The following RWDD2B variants were observed in gnomAD, a reference collection of about 807,000 sequenced individuals.
RWDD2B encodes the protein RWD domain containing 2B.
In RWDD2B, 36 loss-of-function variants were observed where a neutral mutation model predicts 33.6. That is an observed-to-expected ratio of 1.07 (90% CI 0.82 to 1.42). The LOEUF (loss-of-function observed/expected upper bound fraction) is 1.42. Ranked by LOEUF, RWDD2B falls within the 40% of genes most tolerant of loss-of-function variation. The probability of loss-of-function intolerance (pLI) is 0.00; values close to 1 mark genes in which losing one functional copy is unlikely to be tolerated. For missense variants in RWDD2B, 364 were observed against 377.5 expected (o/e 0.96, Z 0.30); for synonymous variants, 126 against 133.1 (o/e 0.95, Z 0.37).
In RWDD2B at chr21:29,007,954, T is replaced by C. The variant is rs748317989; in HGVS notation, c.532A>G (p.Ser178Gly). 1 of 1,614,244 alleles carries C rather than the reference T, an allele frequency of 6.2e-7. No homozygotes were observed. Among genetic ancestry groups the C allele is most frequent in the South Asian group, 1.1e-5 (1 of 91,078 alleles). The change falls in exon 4 of 5, where the codon AGC becomes GGC. Residue 178 changes from serine (S) to glycine (G), a missense_variant. By Grantham distance (56) the Ser-to-Gly change is moderately conservative. Transcript: ENST00000493196. ...RDTSSSPTTG[S>G]TVQSVDLIFT... ...ATGAGGTCAACTGACTGGACTGTGC[T>C]TCCTGTGGTGGGTGAAGATGAAGTA...
intron 1 of RWDD2B, among the ~76,000 whole-genome samples, chr21:29,015,604 A>G (rs2146340906): frequency 6.9e-6 from 1 of 145,372 alleles, no homozygotes; most frequent in Middle Eastern, 3.7e-3. Context: ...ATCTTGGCTC[A>G]CCACAACCTC....
chr21:29,013,688 CA>C lies in RWDD2B; in HGVS notation c.68-5068del, dbSNP rs543309731. Among the ~76,000 whole-genome samples, 553 of 59,576 alleles carry C rather than the reference CA, an allele frequency of 9.3e-3. 1 individual carries two copies. The highest frequency in any genetic ancestry group is 0.015 in the African/African-American group (297 of 19,886). 39.1% of individuals were successfully genotyped at this position (59,576 alleles called of 152,430 possible). On this transcript the variant is annotated intron_variant, in intron 1 of 4. Coordinates refer to ENST00000493196, the MANE Select transcript of RWDD2B (RefSeq NM_016940.3). The stretch of plus-strand genomic sequence containing the variant: ...TGGGCGACAGAGTGAGACTCCGTCT[CA>C]AAAAAAAAAAAAAAAAAGAAATTAA...
At chr21:29,014,678 G>A (rs1343954405) in intron 1 of RWDD2B, among the ~76,000 whole-genome samples, 4 of 152,036 alleles carry the variant, frequency 2.6e-5, no homozygotes, top group East Asian at 1.9e-4. Context: ...AAAATTAGCC[G>A]GGCGTGGTGG....
At position 29,008,017 on chromosome 21, in the gene RWDD2B, A is replaced by G; in HGVS notation, c.469T>C (p.Trp157Arg). 1 of 1,614,142 alleles carries G rather than the reference A, an allele frequency of 6.2e-7. No homozygotes were observed. Among genetic ancestry groups the G allele is most frequent in the Non-Finnish European group, 8.5e-7 (1 of 1,180,032 alleles). ...TAGCCAGAGGCGTGTTCTCTAACCC[A>G]CTCTGTGGCATTCAGTATACAAACA... ...GDVCILNATE[W>R]VREHASGYVS... The change falls in exon 4 of 5, where the codon TGG (tryptophan) becomes CGG (arginine). Residue 157 changes from tryptophan (W) to arginine (R), a missense_variant. Transcript: ENST00000493196.
Position 29,005,519 on chromosome 21 carries a change from C to G in RWDD2B, c.*898G>C, listed in dbSNP as rs2084824040. On this transcript the variant is annotated 3_prime_UTR_variant, in exon 5 of 5. Transcript: ENST00000493196. ...TGGGAAGCCGAGGTGGGAGGATCAC[C>G]TGAGGTCAGGAGTTCAAGACCAGCC... 6.6e-6 allele frequency: 1 copy of G among 152,176 alleles called. No homozygotes were observed. Among genetic ancestry groups the G allele is most frequent in the Non-Finnish European group, 1.5e-5 (1 of 68,066 alleles). 9.4% of individuals were successfully genotyped at this position (152,176 alleles called of 1,614,324 possible). A position where few individuals can be genotyped will look rare whatever the true frequency, so the allele number is the denominator to read the frequency against.
Position 29,019,339 on chromosome 21 carries a change from G to A in RWDD2B, c.-62C>T, listed in dbSNP as rs1265838408. The A allele has an allele frequency of 4.1e-6, 5 of 1,234,412 alleles. No homozygotes were observed. In the African/African-American group the frequency reaches 6.1e-5, roughly 15 times the overall value. 76.5% of individuals were successfully genotyped at this position (1,234,412 alleles called of 1,614,324 possible). ...CAAAACTTACAAACCGCCTCAGCTG[G>A]CGACCTACCGGAAAAAAAAAAAAAA... On this transcript the variant is annotated 5_prime_UTR_variant, in exon 1 of 5. Coordinates refer to ENST00000493196, the MANE Select transcript of RWDD2B (RefSeq NM_016940.3).
In RWDD2B at chr21:29,007,865, T is replaced by G. The variant is rs1236549238; in HGVS notation, c.621A>C (p.Leu207=). 1.2e-6 allele frequency: 2 copies of G among 1,614,138 alleles called. No individual in the cohort carries two copies. Among genetic ancestry groups the G allele is most frequent in the Non-Finnish European group, 1.7e-6 (2 of 1,180,048 alleles). The change falls in exon 4 of 5, where the codon CTA becomes CTC. Residue 207 remains leucine (L), a synonymous_variant. Coordinates refer to ENST00000493196, the MANE Select transcript of RWDD2B (RefSeq NM_016940.3). Reference sequence around the variant, plus strand: ...ACAGGGAAAGCTCCTTTGCCCACTCTAGAATATTCTTTCTTTTGCATTTGT... The same window carrying G: ...ACAGGGAAAGCTCCTTTGCCCACTCGAGAATATTCTTTCTTTTGCATTTGT... ...IYNKCKRKNI[L]EWAKELSLSG...
Position 29,008,538 on chromosome 21 carries a change from G to A in RWDD2B, c.151C>T (p.Pro51Ser), listed in dbSNP as rs1289022671. 2 of 1,613,974 alleles carry A rather than the reference G, an allele frequency of 1.2e-6. No individual in the cohort carries two copies. Among genetic ancestry groups the A allele is most frequent in the East Asian group, 4.5e-5 (2 of 44,904 alleles). Residue 51 changes from proline to serine, a missense_variant, in exon 2 of 5, where the codon CCT (proline) becomes TCT (serine). By Grantham distance (74) the Pro-to-Ser change is moderately conservative. Transcript: ENST00000493196. Reference protein sequence around the residue: ...AELDLLASMFPGENELIVNDQ... With the variant: ...AELDLLASMFSGENELIVNDQ... ...TTCACTATGAGCTCATTCTCACCAG[G>A]GAACATACTGGCTAGCAGGTCTAAC...
At chr21:29,008,828 TA>T (rs1367051185) in intron 1 of RWDD2B, among the ~76,000 whole-genome samples, 3 of 152,114 alleles carry the variant, frequency 2.0e-5, no homozygotes, top group Non-Finnish European at 4.4e-5. Context: ...AGACCATCTA[TA>T]AAAAAACAAA....
chr21:29,018,271 T>C (rs1378476467), intron 1 of RWDD2B, among the ~76,000 whole-genome samples: 35 of 152,128 alleles, frequency 2.3e-4, no homozygotes, highest in Non-Finnish European at 2.9e-5. Context: ...GGATCTGCCA[T>C]TTATTTAGAC....
In RWDD2B at chr21:29,008,600, A is replaced by G. The variant is rs371899004; in HGVS notation, c.89T>C (p.Met30Thr). Residue 30 changes from methionine (M) to threonine (T), a missense_variant, in exon 2 of 5, where the codon ATG (methionine) becomes ACG (threonine). Met to Thr is a moderately conservative substitution (Grantham distance 81, BLOSUM62 -1). Coordinates refer to ENST00000493196, the MANE Select transcript of RWDD2B (RefSeq NM_016940.3). ...TAQETYTCPK[M>T]IEMEQAEAQL... Reference sequence around the variant, plus strand: ...GGCCTCCGCCTGCTCCATCTCAATCATTTTTGGACATGTGTAAGTTTCTAA... The same window carrying G: ...GGCCTCCGCCTGCTCCATCTCAATCGTTTTTGGACATGTGTAAGTTTCTAA... The G allele has an allele frequency of 8.7e-6, 14 of 1,612,896 alleles. No individual in the cohort carries two copies. The highest frequency in any genetic ancestry group is 1.3e-5 in the African/African-American group (1 of 74,892).
chr21:29,006,707 A>G (rs1392973278), intron 4 of RWDD2B, 56 bp from the exon 5 acceptor site: 1 of 1,014,606 alleles, frequency 9.9e-7, no homozygotes, highest in African/African-American at 1.6e-5. Flanking sequence ...AGAGCATTTA[A>G]AACAGAAGTT....
chr21:29,008,080 C>G lies in RWDD2B; in HGVS notation c.406G>C (p.Asp136His). The G allele has an allele frequency of 1.2e-6, 2 of 1,614,046 alleles. No homozygotes were observed. Among genetic ancestry groups the G allele is most frequent in the Non-Finnish European group, 8.5e-7 (1 of 1,179,884 alleles). The change falls in exon 4 of 5, where the codon GAT becomes CAT. Residue 136 changes from aspartate to histidine, a missense_variant. Physicochemically the swap from Asp to His is moderately conservative, Grantham distance 81. Transcript: ENST00000493196. Reference protein sequence around the residue: ...SRSQQTQLNTDLTAFLQKHCH... With the variant: ...SRSQQTQLNTHLTAFLQKHCH... ...TGTTTTTGCAGGAATGCAGTCAGAT[C>G]TGTGTTCAGCTGAGTCTGCTGGGAT... is the stretch of plus-strand genomic sequence containing the variant.
chr21:29,010,814 C>T (rs1187229390), intron 1 of RWDD2B, among the ~76,000 whole-genome samples: 3 of 149,974 alleles, frequency 2.0e-5, no homozygotes, highest in African/African-American at 7.5e-5. Flanking sequence ...ATTGCAGGCG[C>T]GCGCCGCCAC....
chr21:29,008,209 T>C (rs2146334878), intron 3 of RWDD2B, 31 bp downstream of exon 3: 1 of 1,612,346 alleles, frequency 6.2e-7, no homozygotes, highest in Middle Eastern at 1.7e-4. Flanking sequence ...AATTTTGACC[T>C]CCAAAGTTGG....
At chr21:29,017,902 A>T (rs1235240310) in intron 1 of RWDD2B, among the ~76,000 whole-genome samples, 2 of 152,212 alleles carry the variant, frequency 1.3e-5, no homozygotes, top group African/African-American at 2.4e-5. Flanking sequence ...TGAGCTGAGG[A>T]CACGGGGAAT....
intron 1 of RWDD2B, among the ~76,000 whole-genome samples, chr21:29,017,864 G>T (rs1440530963): frequency 1.3e-5 from 2 of 152,098 alleles, no homozygotes; most frequent in South Asian, 2.1e-4. Flanking sequence ...GAGGAAGGAG[G>T]GTGCTAGAAC....
In RWDD2B at chr21:29,019,272, T is replaced by G. The variant is rs1341775859; in HGVS notation, c.6A>C (p.Lys2Asn). The G allele has an allele frequency of 6.2e-7, 1 of 1,603,494 alleles. No individual in the cohort carries two copies. The highest frequency in any genetic ancestry group is 1.3e-5 in the African/African-American group (1 of 74,728). Residue 2 changes from lysine (K) to asparagine (N), a missense_variant, in exon 1 of 5, where the codon AAA becomes AAC. Coordinates refer to ENST00000493196, the MANE Select transcript of RWDD2B (RefSeq NM_016940.3). M[K>N]IELSMQPWNP... ...TCCATGGCTGCATGGACAGCTCAATTTTCATCAGAAGGGAGCCTCAAAATT... is the reference window on the plus strand; with the variant it reads ...TCCATGGCTGCATGGACAGCTCAATGTTCATCAGAAGGGAGCCTCAAAATT...
rs2084818899 is a variant in RWDD2B at position 29,004,403 on chromosome 21, G to A, written c.*2014C>T. 6.6e-6 allele frequency: 1 copy of A among 152,198 alleles called. No homozygotes were observed. The highest frequency in any genetic ancestry group is 1.5e-5 in the Non-Finnish European group (1 of 68,032). The allele number at this position is 152,198 out of a possible 1,614,324, so 9.4% of individuals were successfully genotyped here. ...ACTCTGTTGCATTCTATGTGTTTAT[G>A]TGACATTTGAGATCTGCATATTATA... On this transcript the variant is annotated 3_prime_UTR_variant, in exon 5 of 5. Coordinates refer to ENST00000493196, the MANE Select transcript of RWDD2B (RefSeq NM_016940.3).
Sources: allele counts gnomAD v4.1 joint callset (sites outside exome capture counted in the v4.1 genomes callset), GRCh38; gene constraint gnomAD v4.1.1; transcripts MANE v1.5; gene names NCBI Gene and HGNC (gene_info 2026-07-23, HGNC 2026-07-21).